The following FGF12 variants were observed in gnomAD, a reference collection of about 807,000 sequenced individuals.
FGF12 encodes the protein fibroblast growth factor 12B.
A neutral mutation model predicts 23.6 loss-of-function variants in FGF12; 14 were observed. The observed-to-expected ratio is 0.59, with a 90% CI of 0.39 to 0.93. FGF12 has a LOEUF of 0.93. Ranked by LOEUF, FGF12 falls within the 40% of genes least tolerant of loss-of-function variation. The pLI, the probability that FGF12 is intolerant of heterozygous loss-of-function variation, is 0.00. For missense variants in FGF12, 175 were observed against 217.8 expected (o/e 0.80, Z 1.24); for synonymous variants, 62 against 77.3 (o/e 0.80, Z 1.04).
intron 2 of FGF12, among the ~76,000 whole-genome samples, chr3:192,374,857 C>T (rs937810335): frequency 6.6e-6 from 1 of 152,202 alleles, no homozygotes; most frequent in Non-Finnish European, 1.5e-5. Context: ...ACCAGGTACT[C>T]ATCACCCATA....
intron 2 of FGF12, among the ~76,000 whole-genome samples, chr3:192,582,691 A>G (rs199988227): frequency 1.6e-3 from 60 of 36,588 alleles, no homozygotes; most frequent in East Asian, 4.2e-3. Flanking sequence ...TAAAAAAAAG[A>G]AAAAAAAAAA....
At chr3:192,488,529 T>C (rs1240070527) in intron 2 of FGF12, among the ~76,000 whole-genome samples, 1 of 152,086 alleles carries the variant, frequency 6.6e-6, no homozygotes. Flanking sequence ...GGAAATGACA[T>C]AGTTGTGATT....
intron 2 of FGF12, among the ~76,000 whole-genome samples, chr3:192,691,478 C>A (rs1717942026): frequency 6.6e-6 from 1 of 152,006 alleles, no homozygotes; most frequent in Non-Finnish European, 1.5e-5. Context: ...ATTTTAAACT[C>A]TCTTAAATCA....
chr3:192,448,417 G>C (rs1317430417), intron 2 of FGF12, among the ~76,000 whole-genome samples: 1 of 152,162 alleles, frequency 6.6e-6, no homozygotes, highest in Non-Finnish European at 1.5e-5. Context: ...TCAAATGTGT[G>C]AGTTATTGAA....
chr3:192,504,131 C>T (rs1724220222), intron 2 of FGF12, among the ~76,000 whole-genome samples: 1 of 151,770 alleles, frequency 6.6e-6, no homozygotes. Context: ...AAGTGGGAGA[C>T]AAAGAAAGAG....
At chr3:192,340,767 A>C (rs946418977) in intron 3 of FGF12, among the ~76,000 whole-genome samples, 3 of 152,182 alleles carry the variant, frequency 2.0e-5, no homozygotes, top group Non-Finnish European at 2.9e-5. Flanking sequence ...ACATGAAAGA[A>C]TGAAATTGGG....
At chr3:192,279,299 C>G (rs1714003495) in intron 4 of FGF12, among the ~76,000 whole-genome samples, 3 of 149,494 alleles carry the variant, frequency 2.0e-5, no homozygotes, top group Non-Finnish European at 4.4e-5. Context: ...TAGACAGCCA[C>G]TCTGTGAGAT....
chr3:192,295,636 C>T (rs1460497156), intron 4 of FGF12, among the ~76,000 whole-genome samples: 4 of 152,062 alleles, frequency 2.6e-5, no homozygotes, highest in African/African-American at 9.7e-5. Flanking sequence ...CAACAGGAAG[C>T]AATATTAAAG....
intron 4 of FGF12, among the ~76,000 whole-genome samples, chr3:192,308,887 G>T (rs181500288): frequency 3.9e-5 from 6 of 152,218 alleles, no homozygotes; most frequent in East Asian, 1.9e-4. Flanking sequence ...TTGTCTTAGA[G>T]TAGGCATTGA....
At chr3:192,474,218 C>T (rs374808304) in intron 2 of FGF12, among the ~76,000 whole-genome samples, 3 of 152,134 alleles carry the variant, frequency 2.0e-5, no homozygotes, top group African/African-American at 4.8e-5. Context: ...TTGTGTTTAA[C>T]GATGTAGAAA....
At chr3:192,267,337 G>A (rs1713143921) in intron 4 of FGF12, among the ~76,000 whole-genome samples, 1 of 152,112 alleles carries the variant, frequency 6.6e-6, no homozygotes, top group South Asian at 2.1e-4. Flanking sequence ...CAATGTGCAA[G>A]GTATAGCTGC....
At chr3:192,394,633 T>C (rs905028679) in intron 2 of FGF12, among the ~76,000 whole-genome samples, 3 of 152,152 alleles carry the variant, frequency 2.0e-5, no homozygotes, top group African/African-American at 7.2e-5. Context: ...GAAAAATGAC[T>C]TCCCCAAGGT....
intron 2 of FGF12, among the ~76,000 whole-genome samples, chr3:192,660,976 T>G (rs1353405772): frequency 2.8e-5 from 3 of 107,336 alleles, no homozygotes; most frequent in Non-Finnish European, 6.0e-5. Flanking sequence ...AAGAAAACCC[T>G]AGTTCTTTAA....
At chr3:192,485,604 C>T (rs1439610167) in intron 2 of FGF12, among the ~76,000 whole-genome samples, 2 of 152,078 alleles carry the variant, frequency 1.3e-5, no homozygotes, top group African/African-American at 4.8e-5. Context: ...GTCTTATTAA[C>T]TGTCTTCCAA....
In FGF12 at chr3:192,464,190, G is replaced by A. The variant is rs755674142; in HGVS notation, c.14-103652C>T. Reference sequence around the variant, plus strand: ...GGAACATGTGGTGTTTGGTTACATGGATAAGTTCTTTAGTGGTGATTTTGT... The same window carrying A: ...GGAACATGTGGTGTTTGGTTACATGAATAAGTTCTTTAGTGGTGATTTTGT... On this transcript the variant is annotated intron_variant, in intron 2 of 5. Coordinates refer to ENST00000445105, the MANE Select transcript of FGF12 (RefSeq NM_004113.6). 1.2e-3 allele frequency among the ~76,000 whole-genome samples: 179 copies of A among 152,070 alleles called. 1 individual carries two copies. Among genetic ancestry groups the A allele is most frequent in the Non-Finnish European group, 2.0e-3 (135 of 68,020 alleles).
At chr3:192,362,372 T>C (rs1263856482) in intron 2 of FGF12, among the ~76,000 whole-genome samples, 1 of 152,222 alleles carries the variant, frequency 6.6e-6, no homozygotes, top group Non-Finnish European at 1.5e-5. Context: ...TTTCTCCTAA[T>C]GCTATCCCTC....
intron 4 of FGF12, among the ~76,000 whole-genome samples, chr3:192,180,102 G>A (rs1462003046): frequency 6.6e-6 from 1 of 151,598 alleles, no homozygotes; most frequent in South Asian, 2.1e-4. Context: ...TATATATAGA[G>A]AACACAGAGA....
At chr3:192,656,983 C>T (rs62294777) in intron 2 of FGF12, among the ~76,000 whole-genome samples, 14,599 of 152,078 alleles carry the variant, frequency 0.096, 884 homozygotes, top group South Asian at 0.2. Context: ...TAAAGTCTCA[C>T]GGCCAAGGTC....
intron 4 of FGF12, among the ~76,000 whole-genome samples, chr3:192,333,506 C>T (rs1717231932): frequency 6.6e-6 from 1 of 151,684 alleles, no homozygotes; most frequent in Non-Finnish European, 1.5e-5. Context: ...CTAAGAGAGC[C>T]CATTATTTTG....
Sources: allele counts gnomAD v4.1 joint callset (sites outside exome capture counted in the v4.1 genomes callset), GRCh38; gene constraint gnomAD v4.1.1; transcripts MANE v1.5; gene names NCBI Gene and HGNC (gene_info 2026-07-23, HGNC 2026-07-21).